The following FAM193A variants were observed in gnomAD, a reference collection of about 807,000 sequenced individuals.
FAM193A encodes family with sequence similarity 193 member A, also known as protein FAM193A.
A neutral mutation model predicts 126.5 loss-of-function variants in FAM193A; 22 were observed. That is an observed-to-expected ratio of 0.17 (90% CI 0.12 to 0.25). FAM193A has a LOEUF of 0.25. FAM193A is among the 10% of genes least tolerant of loss of function. The pLI, the probability that FAM193A is intolerant of heterozygous loss-of-function variation, is 1.00. For missense variants in FAM193A, 1,675 were observed against 1,672.8 expected, an observed-to-expected ratio of 1.00 and a Z score of -0.02; for synonymous variants, 761 against 646.8, an observed-to-expected ratio of 1.18 and a Z score of -2.68.
At chr4:2,624,369 C>A (rs751664655) in intron 2 of FAM193A, among the ~76,000 whole-genome samples, 2 of 152,194 alleles carry the variant, frequency 1.3e-5, no homozygotes, top group East Asian at 1.9e-4. Flanking sequence ...GTCTTGAACT[C>A]CTGACCTCAG....
At chr4:2,637,784 G>A (rs1422614521) in intron 5 of FAM193A, among the ~76,000 whole-genome samples, 2 of 152,182 alleles carry the variant, frequency 1.3e-5, no homozygotes, top group Non-Finnish European at 2.9e-5. Context: ...GGCACTACCA[G>A]GTTCACAGGG....
chr4:2,569,600 C>G (rs567641266), intron 1 of FAM193A, among the ~76,000 whole-genome samples: 6 of 152,210 alleles, frequency 3.9e-5, no homozygotes, highest in African/African-American at 1.4e-4. Context: ...CAGGCTCAAG[C>G]TATCCTCCTG....
rs750584757 is a variant in FAM193A, at chr4:2,672,100, GT to G, written c.2080-13del. On this transcript the variant is annotated intron_variant, in intron 12 of 20. Transcript: ENST00000637812. ...ATTTATTGTTTCACTAAATAGGTAT[GT>G]TTTTTTTCTTTCCTCTTAGGCTGAA... 3 of 1,610,244 alleles carry G rather than the reference GT, an allele frequency of 1.9e-6. No homozygotes were observed. Among genetic ancestry groups the G allele is most frequent in the East Asian group, 2.2e-5 (1 of 44,842 alleles).
At chr4:2,694,405 A>C (rs530060797) in intron 16 of FAM193A, among the ~76,000 whole-genome samples, 1 of 151,846 alleles carries the variant, frequency 6.6e-6, no homozygotes, top group Admixed American at 6.6e-5. Context: ...AAGTAGTGAG[A>C]CTACAGGCAT....
chr4:2,577,771 G>C (rs1739694460), intron 1 of FAM193A, among the ~76,000 whole-genome samples: 1 of 152,064 alleles, frequency 6.6e-6, no homozygotes, highest in Non-Finnish European at 1.5e-5. Context: ...TTCCCATTCT[G>C]TTTAGGGCCT....
intron 2 of FAM193A, among the ~76,000 whole-genome samples, chr4:2,621,356 A>G (rs543286832): frequency 2.6e-5 from 4 of 152,314 alleles, no homozygotes; most frequent in African/African-American, 9.6e-5. Context: ...CTCCCTCAGT[A>G]GGTGATCTTT....
At position 2,648,181 on chromosome 4, in the gene FAM193A, G is replaced by A. The variant is rs529538284; in HGVS notation, c.1311+1349G>A. On this transcript the variant is annotated intron_variant, in intron 7 of 20. Transcript: ENST00000637812. ...TGGGATTACATTTGTGAGCCACTGC[G>A]CCTGGCCTGCTGGCTTTTTTTGAAC... 3.9e-5 allele frequency among the ~76,000 whole-genome samples: 6 copies of A among 152,118 alleles called. No homozygotes were observed. In the East Asian group the frequency reaches 7.7e-4, roughly 20 times the overall value.
intron 1 of FAM193A, among the ~76,000 whole-genome samples, chr4:2,544,528 C>G (rs1003471338): frequency 1.9e-4 from 29 of 152,178 alleles, no homozygotes; most frequent in African/African-American, 6.5e-4. Flanking sequence ...TGGTAAAACC[C>G]CATTCTCTAC....
At chr4:2,663,978 TAAC>T (rs1434635114) in intron 12 of FAM193A, among the ~76,000 whole-genome samples, 3 of 152,094 alleles carry the variant, frequency 2.0e-5, no homozygotes, top group East Asian at 1.9e-4. Flanking sequence ...AAAATAATAA[TAAC>T]AACAATAATA....
In FAM193A at chr4:2,673,869, G is replaced by A. The variant is rs140495483; in HGVS notation, c.2331+1497G>A. 5.3e-3 allele frequency among the ~76,000 whole-genome samples: 809 copies of A among 152,170 alleles called. 9 individuals are homozygous for A. Among genetic ancestry groups the A allele is most frequent in the African/African-American group, 0.019 (769 of 41,510 alleles). ...TTGGTTAAAAATTGATTATTTTCCC[G>A]GGCTTTTGGCCTTTTCTTAGGAAAT... is the stretch of plus-strand genomic sequence containing the variant. On this transcript the variant is annotated intron_variant, in intron 13 of 20. Coordinates refer to ENST00000637812, the MANE Select transcript of FAM193A (RefSeq NM_001366318.2).
chr4:2,708,229 G>A (rs369195428), intron 19 of FAM193A: 8 of 437,216 alleles, frequency 1.8e-5, no homozygotes, highest in Admixed American at 9.7e-5. Flanking sequence ...AGGTTCAAGC[G>A]ATTGTGCTGC....
At chr4:2,574,974 C>A (rs1440532960) in intron 1 of FAM193A, among the ~76,000 whole-genome samples, 1 of 152,112 alleles carries the variant, frequency 6.6e-6, no homozygotes, top group Non-Finnish European at 1.5e-5. Flanking sequence ...GCCATCCCTC[C>A]CCTCTGTTGG....
At chr4:2,632,750 C>T (rs573798966) in intron 5 of FAM193A, among the ~76,000 whole-genome samples, 2 of 152,236 alleles carry the variant, frequency 1.3e-5, no homozygotes, top group South Asian at 2.1e-4. Context: ...GGTAGTGCCA[C>T]CAGGCTTCCT....
chr4:2,566,432 G>A (rs1466729874), intron 1 of FAM193A, among the ~76,000 whole-genome samples: 1 of 152,156 alleles, frequency 6.6e-6, no homozygotes, highest in African/African-American at 2.4e-5. Flanking sequence ...GCTCACACCT[G>A]TAATCCCAAC....
At chr4:2,623,186 T>G (rs986904437) in intron 2 of FAM193A, among the ~76,000 whole-genome samples, 1 of 151,406 alleles carries the variant, frequency 6.6e-6, no homozygotes, top group Non-Finnish European at 1.5e-5. Flanking sequence ...TGTCTTTTTT[T>G]TTTGAGACGG....
chr4:2,721,980 G>C (rs1281666755), intron 20 of FAM193A, among the ~76,000 whole-genome samples: 1 of 152,196 alleles, frequency 6.6e-6, no homozygotes, highest in African/African-American at 2.4e-5. Context: ...TGTACATACA[G>C]TGCAGTTCCC....
chr4:2,716,986 AT>A (rs551346955), intron 20 of FAM193A, among the ~76,000 whole-genome samples: 1 of 145,784 alleles, frequency 6.9e-6, no homozygotes, highest in Non-Finnish European at 1.5e-5. Context: ...TATTTATTTC[AT>A]TTTTTTTATT....
chr4:2,560,210 T>C (rs1269338942), intron 1 of FAM193A, among the ~76,000 whole-genome samples: 1 of 152,168 alleles, frequency 6.6e-6, no homozygotes, highest in Admixed American at 6.6e-5. Flanking sequence ...CCCAAAGTGT[T>C]GGGATTACAG....
chr4:2,721,494 T>C (rs1482361799), intron 20 of FAM193A, among the ~76,000 whole-genome samples: 17 of 151,918 alleles, frequency 1.1e-4, no homozygotes, highest in Non-Finnish European at 4.4e-5. Flanking sequence ...TCCAAAAAAA[T>C]TAAAACAAAA....
Sources: gnomAD v4.1 joint callset for allele counts (sites outside exome capture counted in the v4.1 genomes callset) on GRCh38, gnomAD v4.1.1 for gene constraint, MANE v1.5 for transcripts, NCBI Gene and HGNC (gene_info 2026-07-23, HGNC 2026-07-21) for gene names.